The following DCAF6 variants were observed in gnomAD, a reference collection of about 807,000 sequenced individuals.
DCAF6 encodes the protein DDB1 and CUL4 associated factor 6.
DCAF6 carries 54 observed loss-of-function variants against 125.1 expected under a neutral mutation model. The ratio of observed to expected loss-of-function variants is 0.43; its 90% CI spans 0.35 to 0.54. The LOEUF is 0.54. Among genes scored for constraint, DCAF6 ranks in the 20% least tolerant of loss-of-function variants. The pLI is 0.01. For missense variants in DCAF6, 934 were observed against 1,161.7 expected (o/e 0.80, Z 2.85); for synonymous variants, 371 against 390.4 (o/e 0.95, Z 0.58).
the DCAF6 span, chr1:167,870,304 G>T: frequency 1.2e-6 from 2 of 1,613,872 alleles, no homozygotes; most frequent in African/African-American, 2.7e-5. Flanking sequence ...TAAGTATCTG[G>T]CTTTTTCCAT....
At chr1:167,969,563 A>G (rs1676982373) in intron 3 of DCAF6, among the ~76,000 whole-genome samples, 1 of 152,166 alleles carries the variant, frequency 6.6e-6, no homozygotes, top group Non-Finnish European at 1.5e-5. Flanking sequence ...TAAATTGTTT[A>G]TTTCTTGTTT....
chr1:167,946,248 G>A (rs1673072971), intron 1 of DCAF6, among the ~76,000 whole-genome samples: 3 of 152,288 alleles, frequency 2.0e-5, no homozygotes, highest in South Asian at 2.1e-4. Flanking sequence ...GAGCTACCGC[G>A]CCTGGCAAAT....
intron 17 of DCAF6, among the ~76,000 whole-genome samples, chr1:168,054,229 T>C (rs2101878845): frequency 6.6e-6 from 1 of 152,302 alleles, no homozygotes; most frequent in East Asian, 1.9e-4. Flanking sequence ...TTTTTACAGT[T>C]ACGGAGGCTG....
the DCAF6 span, among the ~76,000 whole-genome samples, chr1:167,925,182 A>C: frequency 6.6e-6 from 1 of 151,948 alleles, no homozygotes; most frequent in Non-Finnish European, 1.5e-5. Flanking sequence ...TCATTAATTC[A>C]ATGTCATTTT....
chr1:167,906,756 T>C, the DCAF6 span, among the ~76,000 whole-genome samples: 1 of 152,092 alleles, frequency 6.6e-6, no homozygotes, highest in African/African-American at 2.4e-5. Context: ...GTCACTGCAC[T>C]CTATCCTAGG....
intron 5 of DCAF6, among the ~76,000 whole-genome samples, chr1:167,989,396 T>C (rs976877803): frequency 1.3e-5 from 2 of 152,216 alleles, no homozygotes; most frequent in South Asian, 2.1e-4. Context: ...TAGTCTTTCC[T>C]TAGTAAAACT....
At chr1:167,889,916 C>T in the DCAF6 span, among the ~76,000 whole-genome samples, 9 of 152,080 alleles carry the variant, frequency 5.9e-5, no homozygotes, top group South Asian at 2.1e-4. Context: ...TTATTTGGGT[C>T]TTTTCTCTTC....
rs965227022 is a variant in DCAF6, at chr1:167,936,826, G to C, written c.-86G>C. Reference sequence around the variant, plus strand: ...CCCGGCGCGCGGATGGTGCCGGTGCGGCTCGGGTGTTGAAACGGGTGTCCC... The same window carrying C: ...CCCGGCGCGCGGATGGTGCCGGTGCCGCTCGGGTGTTGAAACGGGTGTCCC... On this transcript the variant is annotated 5_prime_UTR_variant, in exon 1 of 22. Coordinates refer to ENST00000367840, the MANE Select transcript of DCAF6 (RefSeq NM_001198956.2). 12 of 1,234,302 alleles carry C rather than the reference G, an allele frequency of 9.7e-6. No homozygotes were observed. The Admixed American group carries it at 1.8e-4, about 19-fold the overall frequency. 76.5% of individuals were successfully genotyped at this position (1,234,302 alleles called of 1,614,324 possible).
chr1:168,031,207 A>G (rs904897308), intron 12 of DCAF6, among the ~76,000 whole-genome samples: 7 of 152,244 alleles, frequency 4.6e-5, no homozygotes, highest in African/African-American at 1.4e-4. Flanking sequence ...GGACAGAGTA[A>G]GAGAGCTAAA....
the DCAF6 span, among the ~76,000 whole-genome samples, chr1:167,864,588 AGAGAGAGAGG>A: frequency 6.6e-6 from 1 of 152,116 alleles, no homozygotes; most frequent in Admixed American, 6.6e-5. Context: ...AAAGTCAAAG[AGAGAGAGAGG>A]GAGAGAGAGA....
Position 168,068,396 on chromosome 1 carries a change from A to G in DCAF6, c.2724A>G (p.Arg908=). 6.2e-7 allele frequency: 1 copy of G among 1,604,668 alleles called. No homozygotes were observed. The highest frequency in any genetic ancestry group is 8.5e-7 in the Non-Finnish European group (1 of 1,174,792). Residue 908 remains arginine (R), a synonymous_variant, in exon 21 of 22, where the codon AGA becomes AGG. Transcript: ENST00000367840. ...TRNELMLEET[R]NTITVPASFM... is the part of the protein sequence containing the mutation. ...ACGAACTCATGCTGGAAGAAACTAG[A>G]AACACCATTACAGTTCCAGCCTCTT...
At chr1:168,052,948 C>A (rs776881929) in intron 17 of DCAF6, among the ~76,000 whole-genome samples, 1 of 152,148 alleles carries the variant, frequency 6.6e-6, no homozygotes, top group Non-Finnish European at 1.5e-5. Flanking sequence ...ATTATAGCTG[C>A]TGCCAAAAAT....
At chr1:167,991,543 A>G (rs540744343) in intron 6 of DCAF6, among the ~76,000 whole-genome samples, 1 of 152,202 alleles carries the variant, frequency 6.6e-6, no homozygotes, top group South Asian at 2.1e-4. Context: ...AAGTTGTAAC[A>G]TTTGATGTAT....
chr1:167,958,335 GTTTT>G (rs1044641437), intron 2 of DCAF6, among the ~76,000 whole-genome samples: 1 of 133,626 alleles, frequency 7.5e-6, no homozygotes, highest in Non-Finnish European at 1.6e-5. Flanking sequence ...GGTCCAAGGT[GTTTT>G]TTTTTGTTTT....
At chr1:167,920,667 C>A in the DCAF6 span, 4 of 1,583,668 alleles carry the variant, frequency 2.5e-6, no homozygotes, top group Non-Finnish European at 3.4e-6. Flanking sequence ...AAAAGTATCA[C>A]AAATGTGGAG....
chr1:167,990,178 A>T (rs1181011414), intron 5 of DCAF6, among the ~76,000 whole-genome samples: 1 of 152,176 alleles, frequency 6.6e-6, no homozygotes, highest in African/African-American at 2.4e-5. Context: ...AGCCTAGGCA[A>T]CATAGTGAGA....
chr1:167,922,668 C>T, the DCAF6 span, among the ~76,000 whole-genome samples: 1 of 152,038 alleles, frequency 6.6e-6, no homozygotes, highest in African/African-American at 2.4e-5. Flanking sequence ...AATCTTGTCA[C>T]TTTATAGTTG....
chr1:167,894,517 T>G, the DCAF6 span, among the ~76,000 whole-genome samples: 1 of 151,948 alleles, frequency 6.6e-6, no homozygotes, highest in Non-Finnish European at 1.5e-5. Flanking sequence ...TAGGATAGAC[T>G]GATAAGAGAT....
Position 168,004,872 on chromosome 1 carries a change from A to G in DCAF6, c.1378+79A>G, listed in dbSNP as rs542429983. The G allele has an allele frequency of 2.3e-4, 325 of 1,438,194 alleles. 6 individuals carry two copies. The South Asian group carries it at 4.1e-3, about 18-fold the overall frequency. 89.1% of individuals were successfully genotyped at this position (1,438,194 alleles called of 1,614,324 possible). On this transcript the variant is annotated intron_variant, in intron 10 of 21. Coordinates refer to ENST00000367840, the MANE Select transcript of DCAF6 (RefSeq NM_001198956.2). ...TTTACTGGCTATTTTGAAAGATACT[A>G]AATCACATCAACTTCTTGTTGGAAT... is the stretch of plus-strand genomic sequence containing the variant.
Sources: allele counts gnomAD v4.1 joint callset (sites outside exome capture counted in the v4.1 genomes callset), GRCh38; gene constraint gnomAD v4.1.1; transcripts MANE v1.5; gene names NCBI Gene and HGNC (gene_info 2026-07-23, HGNC 2026-07-21).